The following DPYD variants were observed in gnomAD, a reference collection of about 807,000 sequenced individuals.
The protein encoded by DPYD is dihydropyrimidine dehydrogenase [NADP(+)].
Under a neutral mutation model 116.2 loss-of-function variants are expected in DPYD, and 109 were observed. The observed-to-expected ratio is 0.94, with a 90% confidence interval of 0.80 to 1.10. The LOEUF is 1.10. DPYD is among the 50% of genes least tolerant of loss of function. The pLI is 0.00. For missense variants in DPYD, 1,302 were observed against 1,254.5 expected (o/e 1.04, Z -0.57); for synonymous variants, 440 against 432.0 (o/e 1.02, Z -0.23).
chr1:97,211,867 TA>T (rs1184146478), intron 19 of DPYD, among the ~76,000 whole-genome samples: 2 of 152,082 alleles, frequency 1.3e-5, no homozygotes, highest in African/African-American at 4.8e-5. Context: ...ATATCTTAAA[TA>T]AAGGTATTAT....
chr1:97,250,706 T>C (rs1663029921), intron 18 of DPYD, among the ~76,000 whole-genome samples: 1 of 152,168 alleles, frequency 6.6e-6, no homozygotes, highest in Non-Finnish European at 1.5e-5. Context: ...ATGAATATTA[T>C]TTAGTTTATA....
At chr1:97,357,233 C>T (rs1324356818) in intron 16 of DPYD, among the ~76,000 whole-genome samples, 2 of 152,100 alleles carry the variant, frequency 1.3e-5, no homozygotes, top group Non-Finnish European at 2.9e-5. Context: ...AAGTTTCTCA[C>T]CTCCTTGGTT....
At chr1:97,444,863 C>A (rs916438140) in intron 14 of DPYD, among the ~76,000 whole-genome samples, 3 of 152,116 alleles carry the variant, frequency 2.0e-5, no homozygotes, top group African/African-American at 7.2e-5. Flanking sequence ...TTTTACCAAT[C>A]TTCCAAACTT....
rs188548478 is a variant in DPYD at position 97,735,561 on chromosome 1, G to A, written c.321+4831C>T. On this transcript the variant is annotated intron_variant, in intron 4 of 22. Transcript: ENST00000370192. ...AAATTAGCCGGGCGTGGTGGCGGGT[G>A]CCTGTAGTCCCAGGTACTCTGGAGG... Among the ~76,000 whole-genome samples the A allele has an allele frequency of 5.0e-3, 752 of 150,432 alleles. 7 individuals carry two copies. Among genetic ancestry groups the A allele is most frequent in the African/African-American group, 0.017 (711 of 41,140 alleles).
At chr1:97,134,291 C>T (rs192325139) in intron 20 of DPYD, among the ~76,000 whole-genome samples, 109 of 151,694 alleles carry the variant, frequency 7.2e-4, no homozygotes, top group Non-Finnish European at 7.2e-4. Context: ...CCCTATTAAA[C>T]CTGAGTATAA....
chr1:97,680,281 T>TA (rs1464028767), intron 7 of DPYD, among the ~76,000 whole-genome samples: 1 of 152,116 alleles, frequency 6.6e-6, no homozygotes, highest in Non-Finnish European at 1.5e-5. Flanking sequence ...TCAAAGATAA[T>TA]ATCCTATCCT....
intron 14 of DPYD, among the ~76,000 whole-genome samples, chr1:97,389,967 C>T (rs1672603426): frequency 6.6e-6 from 1 of 151,442 alleles, no homozygotes. Flanking sequence ...TTGACAATTC[C>T]ATTTCCTTAG....
At chr1:97,159,518 A>C (rs564225895) in intron 20 of DPYD, among the ~76,000 whole-genome samples, 1 of 152,178 alleles carries the variant, frequency 6.6e-6, no homozygotes, top group South Asian at 2.1e-4. Context: ...TATTTAGAGA[A>C]ATAATGACTA....
Position 97,404,646 on chromosome 1 carries a change from C to A in DPYD, c.1906-22185G>T, listed in dbSNP as rs533002975. 2.2e-4 allele frequency among the ~76,000 whole-genome samples: 34 copies of A among 152,114 alleles called. 1 individual carries two copies. The South Asian group carries it at 6.2e-3, about 28-fold the overall frequency. ...GATTAGTGTTAGCATGATACATTTT[C>A]TTCATCCATTTACTTATAATCTATG... On this transcript the variant is annotated intron_variant, in intron 14 of 22. Transcript: ENST00000370192.
At chr1:97,092,854 CT>C (rs1649987027) in intron 21 of DPYD, among the ~76,000 whole-genome samples, 2 of 152,030 alleles carry the variant, frequency 1.3e-5, no homozygotes, top group South Asian at 4.1e-4. Context: ...ATTATCAGCT[CT>C]TTACTATACC....
At chr1:97,902,123 T>A (rs1211712513) in intron 1 of DPYD, among the ~76,000 whole-genome samples, 2 of 151,688 alleles carry the variant, frequency 1.3e-5, no homozygotes, top group Non-Finnish European at 2.9e-5. Context: ...GGCATAAATA[T>A]AGAGACTTGC....
chr1:97,717,251 G>A (rs940801828), intron 5 of DPYD, among the ~76,000 whole-genome samples: 3 of 152,020 alleles, frequency 2.0e-5, no homozygotes, highest in African/African-American at 7.2e-5. Flanking sequence ...GACAAGGATT[G>A]AGTAAAGTCA....
chr1:97,785,328 C>T (rs1249163658), intron 3 of DPYD, among the ~76,000 whole-genome samples: 1 of 152,132 alleles, frequency 6.6e-6, no homozygotes, highest in Non-Finnish European at 1.5e-5. Context: ...ATACAACATG[C>T]ACCACACAGA....
At chr1:97,582,307 T>C (rs939946734) in intron 10 of DPYD, among the ~76,000 whole-genome samples, 15 of 152,198 alleles carry the variant, frequency 9.9e-5, no homozygotes, top group Admixed American at 6.5e-4. Context: ...CCTGCACTTC[T>C]TGTTTACCTG....
chr1:97,306,300 G>A lies in DPYD; in HGVS notation c.2059-3C>T. 6 of 1,612,016 alleles carry A rather than the reference G, an allele frequency of 3.7e-6. No homozygotes were observed. Among genetic ancestry groups the A allele is most frequent in the Non-Finnish European group, 5.1e-6 (6 of 1,178,590 alleles). On this transcript the variant is annotated splice_region_variant and splice_polypyrimidine_tract_variant and intron_variant, in intron 16 of 22. Transcript: ENST00000370192. Reference sequence around the variant, plus strand: ...ATGTTCCGCACCAGCTCTGGATCCTGTTCAAATAGGTCGGTTAAATATAGA... The same window carrying A: ...ATGTTCCGCACCAGCTCTGGATCCTATTCAAATAGGTCGGTTAAATATAGA...
intron 18 of DPYD, among the ~76,000 whole-genome samples, chr1:97,290,672 T>C (rs1289086405): frequency 9.9e-5 from 15 of 152,030 alleles, no homozygotes; most frequent in Non-Finnish European, 1.2e-4. Flanking sequence ...TTACACCTTA[T>C]ACAAAAATTA....
intron 12 of DPYD, among the ~76,000 whole-genome samples, chr1:97,542,654 G>A (rs1449790508): frequency 6.6e-6 from 1 of 151,958 alleles, no homozygotes; most frequent in African/African-American, 2.4e-5. Context: ...TTATTATTGT[G>A]TTAAGTATGC....
intron 19 of DPYD, among the ~76,000 whole-genome samples, chr1:97,219,080 C>T (rs1453598065): frequency 6.6e-6 from 1 of 152,048 alleles, no homozygotes; most frequent in East Asian, 1.9e-4. Flanking sequence ...AGGAGAGTGG[C>T]CATAACCCAT....
chr1:97,528,134 A>G (rs757396853), intron 12 of DPYD, among the ~76,000 whole-genome samples: 2 of 152,194 alleles, frequency 1.3e-5, no homozygotes, highest in Non-Finnish European at 2.9e-5. Context: ...CTTTGAAGAA[A>G]TATCTATTGA....
Sources: allele counts gnomAD v4.1 joint callset (sites outside exome capture counted in the v4.1 genomes callset), GRCh38; gene constraint gnomAD v4.1.1; transcripts MANE v1.5; gene names NCBI Gene and HGNC (gene_info 2026-07-23, HGNC 2026-07-21).